The following MECOM variants were observed in gnomAD, a reference collection of about 807,000 sequenced individuals.
MECOM encodes the protein histone-lysine N-methyltransferase MECOM.
In MECOM, 13 loss-of-function variants were observed where a neutral mutation model predicts 116.3. That is an observed-to-expected ratio of 0.11 (90% confidence interval 0.07 to 0.18). The LOEUF (loss-of-function observed/expected upper bound fraction) is 0.18. Ranked by LOEUF, MECOM falls within the 10% of genes least tolerant of loss-of-function variation. The probability of loss-of-function intolerance (pLI) is 1.00; values close to 1 mark genes in which losing one functional copy is unlikely to be tolerated. For missense variants in MECOM, 1,299 were observed against 1,509.0 expected (o/e 0.86, Z 2.31); for synonymous variants, 528 against 535.2 (o/e 0.99, Z 0.19).
chr3:169,134,073 C>T, intron 3 of MECOM: 1 of 561,908 alleles, frequency 1.8e-6, no homozygotes. Flanking sequence ...GCAATTGTCT[C>T]TATTGGGGAA....
chr3:169,104,669 C>CA (rs1254386753), intron 10 of MECOM, among the ~76,000 whole-genome samples: 1 of 152,160 alleles, frequency 6.6e-6, no homozygotes, highest in Non-Finnish European at 1.5e-5. Context: ...CTCATAGAAA[C>CA]ACGTTTCCTT....
At chr3:169,102,300 A>G in intron 10 of MECOM, 74 bp from the exon 11 acceptor site, 2 of 1,410,130 alleles carry the variant, frequency 1.4e-6, no homozygotes, top group Non-Finnish European at 1.9e-6. Context: ...CAAACCAAGG[A>G]CATCATTAAA....
chr3:169,497,068 C>G (rs1351355197), intron 1 of MECOM, among the ~76,000 whole-genome samples: 1 of 152,138 alleles, frequency 6.6e-6, no homozygotes, highest in African/African-American at 2.4e-5. Context: ...TTAAAATGAG[C>G]AGACTCTTTA....
At chr3:169,448,430 G>C (rs1262536049) in intron 1 of MECOM, among the ~76,000 whole-genome samples, 3 of 152,168 alleles carry the variant, frequency 2.0e-5, no homozygotes, top group Non-Finnish European at 2.9e-5. Context: ...TTACACAGGA[G>C]TAAAATGATG....
intron 1 of MECOM, among the ~76,000 whole-genome samples, chr3:169,469,542 A>T (rs1281158649): frequency 6.6e-6 from 1 of 152,156 alleles, no homozygotes; most frequent in Admixed American, 6.5e-5. Context: ...TTATCTCCAC[A>T]ATAGTCCTTC....
intron 1 of MECOM, among the ~76,000 whole-genome samples, chr3:169,647,546 A>G (rs1324325533): frequency 6.6e-6 from 1 of 152,220 alleles, no homozygotes; most frequent in Non-Finnish European, 1.5e-5. Context: ...ACCTGTAAAC[A>G]TCCACACCAA....
intron 1 of MECOM, among the ~76,000 whole-genome samples, chr3:169,572,770 T>G (rs1171592980): frequency 6.6e-6 from 1 of 150,878 alleles, no homozygotes; most frequent in African/African-American, 2.4e-5. Flanking sequence ...TAAGTGGGAG[T>G]TGAACAATGA....
At chr3:169,228,826 C>T (rs1269634114) in intron 2 of MECOM, among the ~76,000 whole-genome samples, 1 of 152,132 alleles carries the variant, frequency 6.6e-6, no homozygotes, top group African/African-American at 2.4e-5. Context: ...ATACAATAGT[C>T]TGCAGTTTTA....
chr3:169,163,890 G>C (rs1459992727), intron 2 of MECOM, among the ~76,000 whole-genome samples: 1 of 152,008 alleles, frequency 6.6e-6, no homozygotes, highest in African/African-American at 2.4e-5. Flanking sequence ...AACACCACTG[G>C]GGGTATTTTC....
At chr3:169,410,068 A>G (rs1021652392) in intron 1 of MECOM, among the ~76,000 whole-genome samples, 2 of 152,212 alleles carry the variant, frequency 1.3e-5, no homozygotes, top group South Asian at 2.1e-4. Flanking sequence ...GACAGCAACA[A>G]TAAGTCATTT....
chr3:169,369,956 C>T (rs866389384), intron 2 of MECOM, among the ~76,000 whole-genome samples: 63 of 152,094 alleles, frequency 4.1e-4, no homozygotes, highest in African/African-American at 1.5e-3. Flanking sequence ...TCTTCCTCCT[C>T]ATTTTAAAAC....
intron 2 of MECOM, among the ~76,000 whole-genome samples, chr3:169,216,276 G>T (rs547896885): frequency 1.3e-5 from 2 of 152,100 alleles, no homozygotes; most frequent in African/African-American, 4.8e-5. Flanking sequence ...TCAAAATGAC[G>T]ACCATCTAAA....
At chr3:169,155,683 T>C (rs1411583048) in intron 2 of MECOM, among the ~76,000 whole-genome samples, 2 of 152,194 alleles carry the variant, frequency 1.3e-5, no homozygotes, top group East Asian at 1.9e-4. Context: ...CAATCTCCTC[T>C]TTTACAATTT....
At chr3:169,361,741 G>C (rs939560209) in intron 2 of MECOM, among the ~76,000 whole-genome samples, 1 of 151,728 alleles carries the variant, frequency 6.6e-6, no homozygotes, top group African/African-American at 2.4e-5. Flanking sequence ...TCCTGCTCTT[G>C]GTCCATGTGT....
intron 1 of MECOM, among the ~76,000 whole-genome samples, chr3:169,637,296 G>A (rs528745898): frequency 6.6e-6 from 1 of 152,250 alleles, no homozygotes; most frequent in South Asian, 2.1e-4. Context: ...GACCGCAAAT[G>A]AGACCACCCA....
intron 2 of MECOM, among the ~76,000 whole-genome samples, chr3:169,225,041 A>G (rs1752570615): frequency 6.6e-6 from 1 of 152,208 alleles, no homozygotes; most frequent in South Asian, 2.1e-4. Context: ...ACCTAACTTA[A>G]AGAAACGTGA....
At chr3:169,257,754 CA>C (rs1311074645) in intron 2 of MECOM, among the ~76,000 whole-genome samples, 6 of 152,298 alleles carry the variant, frequency 3.9e-5, no homozygotes, top group African/African-American at 1.4e-4. Flanking sequence ...GGCCTTTCCT[CA>C]ACCATCAAGT....
chr3:169,594,031 G>A (rs1166246328), intron 1 of MECOM, among the ~76,000 whole-genome samples: 1 of 151,564 alleles, frequency 6.6e-6, no homozygotes, highest in Non-Finnish European at 1.5e-5. Flanking sequence ...TGAGGCAGGA[G>A]AATTGCTTGG....
intron 2 of MECOM, among the ~76,000 whole-genome samples, chr3:169,360,319 CAA>C: frequency 1.1e-5 from 1 of 87,838 alleles, no homozygotes; most frequent in Non-Finnish European, 2.2e-5. Flanking sequence ...AAAGTTACAC[CAA>C]AAAAAAAAAA....
Sources: allele counts gnomAD v4.1 joint callset (sites outside exome capture counted in the v4.1 genomes callset), GRCh38; gene constraint gnomAD v4.1.1; transcripts MANE v1.5; gene names NCBI Gene and HGNC (gene_info 2026-07-23, HGNC 2026-07-21).